NUMB: variants seen among roughly 807,000 people sequenced by gnomAD.
The protein encoded by NUMB is protein numb homolog.
Under a neutral mutation model 59.7 loss-of-function variants are expected in NUMB, and 29 were observed. The ratio of observed to expected loss-of-function variants is 0.49; its 90% CI spans 0.36 to 0.66. The LOEUF (loss-of-function observed/expected upper bound fraction) is 0.66, where lower values mean the gene tolerates loss of function less well. Among genes scored for constraint, NUMB ranks in the 30% least tolerant of loss-of-function variants. The pLI is 0.00. For missense variants in NUMB, 723 were observed against 822.0 expected (o/e 0.88, Z 1.47); for synonymous variants, 288 against 288.2 (o/e 1.00, Z 0.01).
intron 1 of NUMB, among the ~76,000 whole-genome samples, chr14:73,452,073 A>C (rs1339855542): frequency 6.6e-6 from 1 of 151,696 alleles, no homozygotes; most frequent in Non-Finnish European, 1.5e-5. Flanking sequence ...CCCAAAAAAA[A>C]AACTGGCCAG....
At chr14:73,312,474 C>T (rs988783730) in intron 6 of NUMB, among the ~76,000 whole-genome samples, 1 of 151,756 alleles carries the variant, frequency 6.6e-6, no homozygotes, top group Non-Finnish European at 1.5e-5. Context: ...AGCACTTTGG[C>T]AGGGTGAGGT....
intron 2 of NUMB, among the ~76,000 whole-genome samples, chr14:73,377,506 A>T (rs1232741808): frequency 6.6e-6 from 1 of 151,810 alleles, no homozygotes; most frequent in East Asian, 1.9e-4. Context: ...TGGGCTTGGT[A>T]GTACATGCTT....
chr14:73,290,028 C>T lies in NUMB; in HGVS notation c.450+2706G>A, dbSNP rs555570949. 6.8e-4 allele frequency among the ~76,000 whole-genome samples: 104 copies of T among 152,278 alleles called. 1 individual carries two copies. The highest frequency in any genetic ancestry group is 2.4e-3 in the African/African-American group (101 of 41,560). Reference sequence around the variant, plus strand: ...AACGCTGGAGATGGGGCCCAGCAATCTATGTTTTAAAACAAGTCCTCCAGG... The same window carrying T: ...AACGCTGGAGATGGGGCCCAGCAATTTATGTTTTAAAACAAGTCCTCCAGG... On this transcript the variant is annotated intron_variant, in intron 8 of 12. Coordinates refer to ENST00000555238, the MANE Select transcript of NUMB (RefSeq NM_001005743.2).
intron 4 of NUMB, among the ~76,000 whole-genome samples, chr14:73,325,223 T>C (rs1034285044): frequency 6.6e-6 from 1 of 151,968 alleles, no homozygotes; most frequent in African/African-American, 2.4e-5. Context: ...ATCCCAGCAC[T>C]TTGGGAAGCC....
chr14:73,457,910 G>C (rs1884515341), intron 1 of NUMB: 1 of 152,528 alleles, frequency 6.6e-6, no homozygotes, highest in African/African-American at 2.4e-5. Context: ...CCCCTACTTG[G>C]AGCAAGTCTG....
At chr14:73,316,030 G>A (rs1891067164) in intron 6 of NUMB, among the ~76,000 whole-genome samples, 1 of 152,046 alleles carries the variant, frequency 6.6e-6, no homozygotes. Context: ...GGGATTACAG[G>A]TGCACATCAC....
chr14:73,353,770 G>C (rs1893609732), intron 4 of NUMB, among the ~76,000 whole-genome samples: 1 of 151,680 alleles, frequency 6.6e-6, no homozygotes, highest in Non-Finnish European at 1.5e-5. Flanking sequence ...CTCCCTAAGA[G>C]GTTGTAATTT....
intron 1 of NUMB, among the ~76,000 whole-genome samples, chr14:73,435,912 G>A (rs964733834): frequency 6.6e-6 from 1 of 151,536 alleles, no homozygotes; most frequent in African/African-American, 2.4e-5. Context: ...AGGCTGATGT[G>A]AGAGAATTGC....
chr14:73,365,397 A>G (rs1439974616), intron 3 of NUMB, among the ~76,000 whole-genome samples: 1 of 152,222 alleles, frequency 6.6e-6, no homozygotes, highest in Non-Finnish European at 1.5e-5. Flanking sequence ...AATATTTTAA[A>G]TATCTAAATA....
intron 6 of NUMB, among the ~76,000 whole-genome samples, chr14:73,307,728 CTTTTTTTTTTT>C (rs34429117): frequency 9.4e-5 from 9 of 95,488 alleles, no homozygotes; most frequent in Admixed American, 4.0e-4. Context: ...GGGCCTCTGT[CTTTTTTTTTTT>C]TTTTTTTTTT....
At chr14:73,336,828 G>A (rs1394583098) in intron 4 of NUMB, among the ~76,000 whole-genome samples, 3 of 152,164 alleles carry the variant, frequency 2.0e-5, no homozygotes. Flanking sequence ...AATAAATTCA[G>A]CTTGATCATG....
chr14:73,344,424 T>C (rs1419973290), intron 4 of NUMB, among the ~76,000 whole-genome samples: 2 of 152,348 alleles, frequency 1.3e-5, no homozygotes, highest in African/African-American at 4.8e-5. Context: ...AAAAATACTA[T>C]CTGTTCTAAT....
chr14:73,412,103 T>A (rs530184261), intron 1 of NUMB, among the ~76,000 whole-genome samples: 34 of 151,740 alleles, frequency 2.2e-4, no homozygotes, highest in South Asian at 6.3e-4. Context: ...TTTTAAAAAA[T>A]TTTTTTATAA....
intron 1 of NUMB, among the ~76,000 whole-genome samples, chr14:73,442,567 C>T (rs777499573): frequency 2.6e-5 from 4 of 151,972 alleles, no homozygotes; most frequent in African/African-American, 4.8e-5. Context: ...TGGAATACTA[C>T]TCAACAATAA....
chr14:73,385,618 C>T (rs1466852481), intron 2 of NUMB, among the ~76,000 whole-genome samples: 1 of 149,378 alleles, frequency 6.7e-6, no homozygotes, highest in Non-Finnish European at 1.5e-5. Flanking sequence ...TCTTGTACCT[C>T]AGTCACCCGA....
intron 2 of NUMB, among the ~76,000 whole-genome samples, chr14:73,392,568 CA>C (rs1895904523): frequency 6.6e-6 from 1 of 152,214 alleles, no homozygotes; most frequent in Non-Finnish European, 1.5e-5. Flanking sequence ...GGAAATTAGA[CA>C]GTTGTGCCTT....
Position 73,342,223 on chromosome 14 carries a change from A to C in NUMB, c.126+13403T>G, listed in dbSNP as rs138368265. Among the ~76,000 whole-genome samples the C allele has an allele frequency of 5.6e-4, 86 of 152,318 alleles. 1 individual carries two copies. The highest frequency in any genetic ancestry group is 2.0e-3 in the African/African-American group (84 of 41,566). On this transcript the variant is annotated intron_variant, in intron 4 of 12. Coordinates refer to ENST00000555238, the MANE Select transcript of NUMB (RefSeq NM_001005743.2). ...CATTTCTTTAAATTTGTATTGTTTC[A>C]GGTAGAAGAGCAAATTATGATGTTT...
In NUMB at chr14:73,276,488, T is replaced by TAATC; in HGVS notation, c.*86_*89dup. 1.0e-6 allele frequency: 1 copy of TAATC among 966,060 alleles called. No homozygotes were observed. The highest frequency in any genetic ancestry group is 1.6e-6 in the Non-Finnish European group (1 of 642,760). The allele number at this position is 966,060 out of a possible 1,614,324, so 59.8% of individuals were successfully genotyped here. ...CCTTTGGGATTAGTGAAAAGAGTAC[T>TAATC]AATCAGGAGACAAAGTCTGTTTTGC... On this transcript the variant is annotated 3_prime_UTR_variant, in exon 13 of 13. Coordinates refer to ENST00000555238, the MANE Select transcript of NUMB (RefSeq NM_001005743.2).
At chr14:73,280,840 C>T (rs1462199692) in intron 11 of NUMB, among the ~76,000 whole-genome samples, 1 of 151,758 alleles carries the variant, frequency 6.6e-6, no homozygotes, top group African/African-American at 2.4e-5. Flanking sequence ...ATTATAGGTG[C>T]CTGCCACCAT....
Sources: gnomAD v4.1 joint callset for allele counts (sites outside exome capture counted in the v4.1 genomes callset) on GRCh38, gnomAD v4.1.1 for gene constraint, MANE v1.5 for transcripts, NCBI Gene and HGNC (gene_info 2026-07-23, HGNC 2026-07-21) for gene names.